Variants in TPST2 observed in about 807,000 individuals in gnomAD.
TPST2 encodes tyrosylprotein sulfotransferase 2.
In TPST2, 16 loss-of-function variants were observed where a neutral mutation model predicts 27.8. The observed-to-expected ratio is 0.58, with a 90% CI of 0.39 to 0.88. The LOEUF (loss-of-function observed/expected upper bound fraction) is 0.88. Among genes scored for constraint, TPST2 ranks in the 40% least tolerant of loss-of-function variants. The probability of loss-of-function intolerance (pLI) is 0.00; values close to 1 mark genes in which losing one functional copy is unlikely to be tolerated. For synonymous variants in TPST2, 229 were observed against 231.7 expected, an observed-to-expected ratio of 0.99 and a Z score of 0.10; for missense variants, 464 against 543.1, an observed-to-expected ratio of 0.85 and a Z score of 1.45.
chr22:26,571,839 C>A (rs1927639712), intron 1 of TPST2, among the ~76,000 whole-genome samples: 1 of 152,214 alleles, frequency 6.6e-6, no homozygotes, highest in Non-Finnish European at 1.5e-5. Context: ...CCACTGAGTC[C>A]TGTGCATTAC....
chr22:26,535,564 C>T (rs775820171), intron 4 of TPST2, among the ~76,000 whole-genome samples: 3 of 152,188 alleles, frequency 2.0e-5, no homozygotes, highest in Non-Finnish European at 2.9e-5. Context: ...GCATCCCTTA[C>T]GGCCAGGAGT....
At chr22:26,585,476 G>C (rs541085977) in intron 1 of TPST2, among the ~76,000 whole-genome samples, 2 of 152,130 alleles carry the variant, frequency 1.3e-5, no homozygotes, top group Non-Finnish European at 2.9e-5. Context: ...GAGAAGTGAC[G>C]GGAGGGGACA....
chr22:26,584,324 G>A (rs1343348827), intron 1 of TPST2, among the ~76,000 whole-genome samples: 1 of 152,182 alleles, frequency 6.6e-6, no homozygotes, highest in Non-Finnish European at 1.5e-5. Context: ...GTGGGAATCT[G>A]GACTTTACAG....
intron 4 of TPST2, 165 bp downstream of exon 4, chr22:26,536,123 G>A (rs1925446230): frequency 3.0e-6 from 3 of 1,009,108 alleles, no homozygotes; most frequent in Non-Finnish European, 4.6e-6. Context: ...CAAGCAAAAT[G>A]GAAATACAAG....
intron 1 of TPST2, among the ~76,000 whole-genome samples, chr22:26,546,011 A>C (rs1282841480): frequency 6.7e-6 from 1 of 149,842 alleles, no homozygotes; most frequent in Non-Finnish European, 1.5e-5. Context: ...CAGGAGGTCG[A>C]GGCTGCAGCG....
At chr22:26,575,439 G>A (rs770696976) in intron 1 of TPST2, among the ~76,000 whole-genome samples, 4 of 150,258 alleles carry the variant, frequency 2.7e-5, no homozygotes, top group East Asian at 1.9e-4. Context: ...GCAAGACCAC[G>A]CACAGAACAC....
chr22:26,549,440 C>T (rs1057467910), intron 1 of TPST2, among the ~76,000 whole-genome samples: 10 of 151,988 alleles, frequency 6.6e-5, no homozygotes, highest in Non-Finnish European at 1.0e-4. Context: ...GGACAGATCA[C>T]GAGGTTAGGA....
chr22:26,551,551 CTTGCT>C (rs1295649118), intron 1 of TPST2, among the ~76,000 whole-genome samples: 2 of 152,212 alleles, frequency 1.3e-5, no homozygotes, highest in Non-Finnish European at 2.9e-5. Flanking sequence ...TCCTCCCTGT[CTTGCT>C]TTGCATTTTT....
intron 1 of TPST2, among the ~76,000 whole-genome samples, chr22:26,588,091 T>C (rs565940256): frequency 2.0e-5 from 3 of 151,776 alleles, no homozygotes; most frequent in Non-Finnish European, 2.9e-5. Context: ...TTATTCATAA[T>C]AGTCAAAAGT....
chr22:26,561,142 A>G lies in TPST2; in HGVS notation c.-160-16467T>C. 3.1e-6 allele frequency: 5 copies of G among 1,606,308 alleles called. No homozygotes were observed. In the South Asian group the frequency reaches 5.6e-5, roughly 18 times the overall value. Reference sequence around the variant, plus strand: ...GAGGAGGAAGATGAAGAAGATGAAGATGAAGAAGATGATGAATAAGTTGGT... The same window carrying G: ...GAGGAGGAAGATGAAGAAGATGAAGGTGAAGAAGATGATGAATAAGTTGGT... On this transcript the variant is annotated intron_variant, in intron 1 of 6. Transcript: ENST00000338754.
intron 4 of TPST2, 97 bp from the exon 5 acceptor site, chr22:26,532,842 G>A (rs973144004): frequency 1.1e-5 from 12 of 1,071,756 alleles, no homozygotes; most frequent in Admixed American, 1.9e-5. Flanking sequence ...CATCCACCTC[G>A]CCACCCACCC....
rs1483398547 is a variant in TPST2, at chr22:26,541,225, C to T, written c.406G>A (p.Ala136Thr). Residue 136 changes from alanine (A) to threonine (T), a missense_variant, in exon 3 of 7, where the codon GCC becomes ACC. Transcript: ENST00000338754. The surrounding 1 kb of genome is among the most constrained non-coding windows in gnomAD (Gnocchi z 5.9). ...ACCTCCAGGATGAAGGCCTGCATGG[C>T]GGCGTCCAGCACCTCATCCGTCACC... is the stretch of plus-strand genomic sequence containing the variant. ...AGVTDEVLDAAMQAFILEVIA... is the reference protein window; with the variant it reads ...AGVTDEVLDATMQAFILEVIA... 2.6e-6 allele frequency: 4 copies of T among 1,561,160 alleles called. No homozygotes were observed. The highest frequency in any genetic ancestry group is 3.5e-6 in the Non-Finnish European group (4 of 1,151,386).
chr22:26,575,524 T>C (rs1172687690), intron 1 of TPST2, among the ~76,000 whole-genome samples: 1 of 152,200 alleles, frequency 6.6e-6, no homozygotes, highest in Non-Finnish European at 1.5e-5. Flanking sequence ...TCCCCTTGTG[T>C]CCATCTAAAA....
Position 26,541,640 on chromosome 22 carries a change from G to T in TPST2, c.-10C>A. The T allele has an allele frequency of 6.4e-7, 1 of 1,555,348 alleles. No homozygotes were observed. On this transcript the variant is annotated 5_prime_UTR_variant, in exon 3 of 7. Transcript: ENST00000338754. This position sits in a 1 kb window ranked among gnomAD's most constrained non-coding sequence, Gnocchi z 5.9. ...GCACCGACAGGCGCATGCTGGGCCG[G>T]AGGCAGGGTAGGCCTGGCCTGAGGG...
chr22:26,558,442 TAAACA>T (rs1926915811), intron 1 of TPST2, among the ~76,000 whole-genome samples: 2 of 151,892 alleles, frequency 1.3e-5, no homozygotes, highest in South Asian at 4.2e-4. Flanking sequence ...TGCTTGGCCT[TAAACA>T]AAACAAAACA....
chr22:26,555,298 A>T (rs745895224), intron 1 of TPST2: 1 of 519,318 alleles, frequency 1.9e-6, no homozygotes, highest in Admixed American at 1.9e-5. Context: ...TTACTTTTGC[A>T]CCAGCTAACT....
At chr22:26,537,811 C>T (rs1313495912) in intron 3 of TPST2, among the ~76,000 whole-genome samples, 1 of 152,108 alleles carries the variant, frequency 6.6e-6, no homozygotes, top group African/African-American at 2.4e-5. Context: ...CACACGCTCT[C>T]TCTCTCACAC....
At chr22:26,572,789 C>T (rs1569194960) in intron 1 of TPST2, among the ~76,000 whole-genome samples, 1 of 151,994 alleles carries the variant, frequency 6.6e-6, no homozygotes, top group African/African-American at 2.4e-5. Flanking sequence ...TTTTCTTCTT[C>T]TTCTTTTTCT....
chr22:26,536,722 C>T (rs755918787), intron 3 of TPST2, among the ~76,000 whole-genome samples: 4 of 152,162 alleles, frequency 2.6e-5, no homozygotes, highest in East Asian at 1.9e-4. Flanking sequence ...GCAGTATACA[C>T]CATTGGTACA....
Sources: gnomAD v4.1 joint callset for allele counts (sites outside exome capture counted in the v4.1 genomes callset) on GRCh38, gnomAD v4.1.1 for gene constraint, Gnocchi (gnomAD v3.1) non-coding constraint, MANE v1.5 for transcripts, NCBI Gene and HGNC (gene_info 2026-07-23, HGNC 2026-07-21) for gene names.